Variants in TRHDE observed in about 807,000 individuals in gnomAD.
TRHDE encodes thyrotropin-releasing hormone-degrading ectoenzyme.
In TRHDE, 72 loss-of-function variants were observed where a neutral mutation model predicts 125.7. The observed-to-expected ratio is 0.57, with a 90% CI of 0.47 to 0.70. TRHDE has a LOEUF of 0.70. TRHDE is among the 30% of genes least tolerant of loss of function. The pLI is 0.00. For synonymous variants in TRHDE, 509 were observed against 509.1 expected (o/e 1.00, Z 0.00); for missense variants, 1,110 against 1,327.1 (o/e 0.84, Z 2.54).
chr12:72,595,159 T>C (rs1160604014), intron 12 of TRHDE, among the ~76,000 whole-genome samples: 1 of 148,566 alleles, frequency 6.7e-6, no homozygotes, highest in African/African-American at 2.5e-5. Flanking sequence ...ATATACCTAA[T>C]GCTAAATGAT....
Position 72,302,742 on chromosome 12 carries a change from A to G in TRHDE, c.1188+15788A>G, listed in dbSNP as rs749547390. On this transcript the variant is annotated intron_variant, in intron 2 of 18. Coordinates refer to ENST00000261180, the MANE Select transcript of TRHDE (RefSeq NM_013381.3). ...AACTTATTTGTTAGCTAGATGGTAG[A>G]CACTTCTCAGAGAATGTGTATTTTG... Among the ~76,000 whole-genome samples, 49 of 152,124 alleles carry G rather than the reference A, an allele frequency of 3.2e-4. 3 individuals carry two copies. Among genetic ancestry groups the G allele is most frequent in the Non-Finnish European group, 1.8e-4 (12 of 68,020 alleles).
chr12:72,583,779 G>GTCTT (rs1417004912), intron 12 of TRHDE, among the ~76,000 whole-genome samples: 1 of 152,150 alleles, frequency 6.6e-6, no homozygotes, highest in African/African-American at 2.4e-5. Flanking sequence ...CCTTTGAGCT[G>GTCTT]TCTTTAGAAA....
intron 12 of TRHDE, among the ~76,000 whole-genome samples, chr12:72,589,746 A>C (rs1275445200): frequency 1.3e-5 from 2 of 152,052 alleles, no homozygotes; most frequent in African/African-American, 4.8e-5. Context: ...AGTTTTGTGA[A>C]AATGATTTCT....
chr12:72,154,510 C>T (rs1207417225), intron 2 of TRHDE, among the ~76,000 whole-genome samples: 1 of 152,198 alleles, frequency 6.6e-6, no homozygotes, highest in African/African-American at 2.4e-5. Context: ...TACAATTTGG[C>T]ATGTTTTTGC....
rs149873200 is a variant in TRHDE at position 72,379,761 on chromosome 12, C to T, written c.1315+1640C>T. On this transcript the variant is annotated intron_variant, in intron 3 of 18. Transcript: ENST00000261180. The stretch of plus-strand genomic sequence containing the variant: ...TTCATCTGTAGAAAAGAGCTTTGCT[C>T]ACCATTGCCGCTACTTGTTAAGCTA... Among the ~76,000 whole-genome samples, 683 of 152,264 alleles carry T rather than the reference C, an allele frequency of 4.5e-3. 4 individuals carry two copies. Among genetic ancestry groups the T allele is most frequent in the African/African-American group, 0.015 (629 of 41,554 alleles).
rs191453219 is a variant in TRHDE, at chr12:72,579,005, A to G, written c.2321+3463A>G. Among the ~76,000 whole-genome samples the G allele has an allele frequency of 1.8e-4, 23 of 127,904 alleles. No individual in the cohort carries two copies. The East Asian group carries it at 5.6e-3, about 31-fold the overall frequency. 83.9% of individuals were successfully genotyped at this position (127,904 alleles called of 152,430 possible). A position where few individuals can be genotyped will look rare whatever the true frequency, so the allele number is the denominator to read the frequency against. On this transcript the variant is annotated intron_variant, in intron 12 of 18. Coordinates refer to ENST00000261180, the MANE Select transcript of TRHDE (RefSeq NM_013381.3). ...TAGTGTTTTTTTTTTTTTTATGAAC[A>G]GAAAGTCTATTCTCTGACTCATTTA...
chr12:72,290,080 G>C (rs1400855944), intron 2 of TRHDE, among the ~76,000 whole-genome samples: 1 of 152,208 alleles, frequency 6.6e-6, no homozygotes, highest in Non-Finnish European at 1.5e-5. Flanking sequence ...TAGAAAATAA[G>C]TTCAAGACTA....
chr12:72,155,439 C>T (rs1383651669), intron 2 of TRHDE, among the ~76,000 whole-genome samples: 4 of 152,170 alleles, frequency 2.6e-5, no homozygotes, highest in Non-Finnish European at 4.4e-5. Context: ...TGATGAGGAG[C>T]TGTGTTCCTT....
intron 2 of TRHDE, chr12:72,140,301 C>T: frequency 6.6e-6 from 1 of 152,394 alleles, no homozygotes; most frequent in Non-Finnish European, 1.5e-5. Flanking sequence ...CTCCCTTGTA[C>T]TGACTCTAGG....
At chr12:72,115,518 A>G (rs999983976) in intron 2 of TRHDE, among the ~76,000 whole-genome samples, 4 of 152,174 alleles carry the variant, frequency 2.6e-5, no homozygotes, top group African/African-American at 9.6e-5. Context: ...ACAAGAGTTC[A>G]GATATCTCTT....
chr12:72,126,897 A>G (rs1875726146), intron 2 of TRHDE, among the ~76,000 whole-genome samples: 2 of 152,128 alleles, frequency 1.3e-5, no homozygotes, highest in Admixed American at 6.6e-5. Flanking sequence ...GAAACGATCA[A>G]CAGAGTAAAC....
In TRHDE at chr12:72,663,082, G is replaced by C. The variant is rs376236985; in HGVS notation, c.3097G>C (p.Val1033Leu). The C allele has an allele frequency of 1.2e-6, 2 of 1,612,262 alleles. No individual in the cohort carries two copies. The highest frequency in any genetic ancestry group is 1.7e-6 in the Non-Finnish European group (2 of 1,179,086). The change falls in exon 19 of 19, where the codon GTA becomes CTA. Residue 1033 changes from valine to leucine, a missense_variant. Coordinates refer to ENST00000261180, the MANE Select transcript of TRHDE (RefSeq NM_013381.3). ...LKNFMKNYDG[V>L]AAASFSRAVE... ...GAACTTCATGAAAAACTATGATGGG[G>C]TAGCTGCTGCTTCTTTCTCACGAGC...
chr12:72,504,610 G>A lies in TRHDE; in HGVS notation c.1722+4975G>A, dbSNP rs531930473. Among the ~76,000 whole-genome samples, 19 of 152,212 alleles carry A rather than the reference G, an allele frequency of 1.2e-4. No homozygotes were observed. In the East Asian group the frequency reaches 1.9e-3, roughly 15 times the overall value. ...AGCCACTGCTCCCAGACAGAAATTTGTATTTTATCCAACAGGTCAGATAGA... is the reference window on the plus strand; with the variant it reads ...AGCCACTGCTCCCAGACAGAAATTTATATTTTATCCAACAGGTCAGATAGA... On this transcript the variant is annotated intron_variant, in intron 6 of 18. Transcript: ENST00000261180.
chr12:72,358,506 AGGTGGTC>A (rs954840874), intron 2 of TRHDE, among the ~76,000 whole-genome samples: 1 of 151,598 alleles, frequency 6.6e-6, no homozygotes, highest in African/African-American at 2.4e-5. Context: ...GTTATCAGTG[AGGTGGTC>A]GACAGTAGGC....
intron 2 of TRHDE, among the ~76,000 whole-genome samples, chr12:72,203,093 T>G (rs779162262): frequency 6.6e-6 from 1 of 152,138 alleles, no homozygotes; most frequent in African/African-American, 2.4e-5. Flanking sequence ...TTATAATGCT[T>G]ATTGCTAGTT....
At chr12:72,332,482 A>G (rs1262901712) in intron 2 of TRHDE, among the ~76,000 whole-genome samples, 1 of 152,032 alleles carries the variant, frequency 6.6e-6, no homozygotes, top group Non-Finnish European at 1.5e-5. Flanking sequence ...GAACCCACTT[A>G]TCACCCAGGG....
Position 72,523,727 on chromosome 12 carries a change from G to T in TRHDE, c.1723-18564G>T, listed in dbSNP as rs148414313. ...AACAATGAATTTCTTACATGGGCTT[G>T]CTGAATACACTCTAATAAGACTGTA... On this transcript the variant is annotated intron_variant, in intron 6 of 18. Coordinates refer to ENST00000261180, the MANE Select transcript of TRHDE (RefSeq NM_013381.3). 9.5e-4 allele frequency among the ~76,000 whole-genome samples: 144 copies of T among 152,278 alleles called. No homozygotes were observed. In the Middle Eastern group the frequency reaches 0.017, roughly 18 times the overall value.
intron 2 of TRHDE, among the ~76,000 whole-genome samples, chr12:72,349,236 AT>A (rs2135738403): frequency 6.6e-6 from 1 of 152,212 alleles, no homozygotes; most frequent in Non-Finnish European, 1.5e-5. Context: ...TCAGAAATTC[AT>A]TTGCTCATAC....
chr12:72,443,545 G>A (rs1244306271), intron 3 of TRHDE, among the ~76,000 whole-genome samples: 1 of 151,642 alleles, frequency 6.6e-6, no homozygotes, highest in Non-Finnish European at 1.5e-5. Context: ...TGGTAATGAA[G>A]TAAACTGGTT....
Sources: gnomAD v4.1 joint callset for allele counts (sites outside exome capture counted in the v4.1 genomes callset) on GRCh38, gnomAD v4.1.1 for gene constraint, MANE v1.5 for transcripts, NCBI Gene and HGNC (gene_info 2026-07-23, HGNC 2026-07-21) for gene names.